Variants in METTL2B observed in about 807,000 individuals in gnomAD.
METTL2B encodes tRNA N(3)-cytidine methyltransferase METTL2B.
A neutral mutation model predicts 51.0 loss-of-function variants in METTL2B; 28 were observed. The ratio of observed to expected loss-of-function variants is 0.55; its 90% CI spans 0.41 to 0.75. The LOEUF (loss-of-function observed/expected upper bound fraction) is 0.75, where lower values mean the gene tolerates loss of function less well. Among genes scored for constraint, METTL2B ranks in the 30% least tolerant of loss-of-function variants. The pLI is 0.00. For synonymous variants in METTL2B, 128 were observed against 166.3 expected, an observed-to-expected ratio of 0.77 and a Z score of 1.77; for missense variants, 313 against 460.7, an observed-to-expected ratio of 0.68 and a Z score of 2.93.
chr7:128,478,850 C>T (rs1584788175), intron 2 of METTL2B, among the ~76,000 whole-genome samples: 2 of 151,894 alleles, frequency 1.3e-5, no homozygotes, highest in South Asian at 2.1e-4. Context: ...GGTGACAGAG[C>T]GAGACTCTGT....
intron 4 of METTL2B, among the ~76,000 whole-genome samples, chr7:128,482,279 T>C (rs943850154): frequency 6.6e-5 from 10 of 151,596 alleles, no homozygotes; most frequent in African/African-American, 2.4e-4. Context: ...TCAGCCTCCC[T>C]AGTAGCTGGG....
rs780770594 is a variant in METTL2B, at chr7:128,477,174, G to T, written c.202+1G>T. ...CAGCGGGTGTGCCAGGAGAAACAAG[G>T]TGCGCTTAAATGGGCTCTCGTTGGT... On this transcript the variant is annotated splice_donor_variant, in intron 2 of 8. Transcript: ENST00000262432. LOFTEE classifies it high-confidence loss of function. 6 of 1,613,816 alleles carry T rather than the reference G, an allele frequency of 3.7e-6. No individual in the cohort carries two copies. In the South Asian group the frequency reaches 6.6e-5, roughly 18 times the overall value.
chr7:128,481,688 A>G (rs1373787901), intron 4 of METTL2B, among the ~76,000 whole-genome samples: 1 of 152,172 alleles, frequency 6.6e-6, no homozygotes, highest in Non-Finnish European at 1.5e-5. Context: ...TGTCATCCCG[A>G]CTAGAGCACA....
intron 6 of METTL2B, among the ~76,000 whole-genome samples, chr7:128,497,037 C>A (rs1247413615): frequency 6.6e-6 from 1 of 151,924 alleles, no homozygotes; most frequent in Non-Finnish European, 1.5e-5. Flanking sequence ...CCTGCCTTAG[C>A]CATTTTTCTG....
At chr7:128,497,147 T>C (rs1365863420) in intron 6 of METTL2B, among the ~76,000 whole-genome samples, 1 of 152,190 alleles carries the variant, frequency 6.6e-6, no homozygotes, top group Non-Finnish European at 1.5e-5. Flanking sequence ...CTTCTCAAGT[T>C]ATGAAAGCTT....
chr7:128,494,002 T>G, intron 6 of METTL2B, 59 bp downstream of exon 6: 1 of 1,577,510 alleles, frequency 6.3e-7, no homozygotes, highest in Non-Finnish European at 8.6e-7. Context: ...TGAGGGACCT[T>G]TTTTTTTAAA....
rs934294684 is a variant in METTL2B at position 128,504,995 on chromosome 7, G to A, written c.*3079G>A. 6.6e-6 allele frequency: 1 copy of A among 152,192 alleles called. No individual in the cohort carries two copies. The highest frequency in any genetic ancestry group is 1.5e-5 in the Non-Finnish European group (1 of 68,274). 9.4% of individuals were successfully genotyped at this position (152,192 alleles called of 1,614,324 possible). ...GCCTGTAACCCCATCTACTTGGAAG[G>A]CTGAGGCAGGAGAATCACTTGAATC... On this transcript the variant is annotated 3_prime_UTR_variant, in exon 9 of 9. Coordinates refer to ENST00000262432, the MANE Select transcript of METTL2B (RefSeq NM_018396.3).
At chr7:128,499,605 G>A (rs1408115900) in intron 7 of METTL2B, among the ~76,000 whole-genome samples, 3 of 134,662 alleles carry the variant, frequency 2.2e-5, no homozygotes, top group African/African-American at 5.6e-5. Flanking sequence ...TGCAACGTCT[G>A]TCTCTTGGGT....
chr7:128,478,332 TCTC>T (rs1799828898), intron 2 of METTL2B, among the ~76,000 whole-genome samples: 1 of 150,102 alleles, frequency 6.7e-6, no homozygotes, highest in South Asian at 2.1e-4. Context: ...CTCACTGCAA[TCTC>T]CTCCTCCCTG....
intron 4 of METTL2B, among the ~76,000 whole-genome samples, chr7:128,486,026 G>A (rs536285385): frequency 2.6e-5 from 4 of 152,286 alleles, no homozygotes; most frequent in South Asian, 2.1e-4. Flanking sequence ...GGGCGTGGTG[G>A]CTCACTCTTG....
chr7:128,493,873 T>C lies in METTL2B; in HGVS notation c.739T>C (p.Tyr247His), dbSNP rs745794267. The change falls in exon 6 of 9, where the codon TAC (tyrosine) becomes CAC (histidine). Residue 247 changes from tyrosine to histidine, a missense_variant. Transcript: ENST00000262432. The part of the protein sequence containing the change: ...VHDLCDEEKS[Y>H]PVPKGSLDII... Reference sequence around the variant, plus strand: ...CGACCTGTGTGATGAAGAGAAGAGTTACCCAGTGCCCAAGGGCAGTCTTGA... The same window carrying C: ...CGACCTGTGTGATGAAGAGAAGAGTCACCCAGTGCCCAAGGGCAGTCTTGA... 6.2e-7 allele frequency: 1 copy of C among 1,612,986 alleles called. No individual in the cohort carries two copies. The highest frequency in any genetic ancestry group is 1.1e-5 in the South Asian group (1 of 90,928).
rs777323793 is a variant in METTL2B, at chr7:128,488,356, G to C, written c.669+195G>C. On this transcript the variant is annotated intron_variant, in intron 5 of 8. Coordinates refer to ENST00000262432, the MANE Select transcript of METTL2B (RefSeq NM_018396.3). ...ATCACACTGTACAGATGTCATATCT[G>C]TTCATATATTGAAAGTCTGTGGCAA... 1.7e-5 allele frequency: 15 copies of C among 885,130 alleles called. No individual in the cohort carries two copies. The Admixed American group carries it at 2.6e-4, about 16-fold the overall frequency. The allele number at this position is 885,130 out of a possible 1,614,324, so 54.8% of individuals were successfully genotyped here. A position where few individuals can be genotyped will look rare whatever the true frequency, so the allele number is the denominator to read the frequency against.
chr7:128,477,287 G>A, intron 2 of METTL2B, 114 bp downstream of exon 2: 3 of 1,403,676 alleles, frequency 2.1e-6, no homozygotes, highest in Non-Finnish European at 3.0e-6. Context: ...GGCCTGATGC[G>A]GATCTCAGGA....
chr7:128,488,687 A>G, intron 5 of METTL2B: 1 of 347,598 alleles, frequency 2.9e-6, no homozygotes, highest in Non-Finnish European at 5.8e-6. Context: ...TTCATACTCT[A>G]CAGTGTCCTC....
intron 5 of METTL2B, among the ~76,000 whole-genome samples, chr7:128,492,783 A>AT (rs1357057382): frequency 6.6e-6 from 1 of 151,222 alleles, no homozygotes; most frequent in Non-Finnish European, 1.5e-5. Context: ...CACCCGGCTA[A>AT]TTTTTTGTAT....
In METTL2B at chr7:128,505,777, A is replaced by G. The variant is rs1047884999; in HGVS notation, c.*3861A>G. On this transcript the variant is annotated 3_prime_UTR_variant, in exon 9 of 9. Coordinates refer to ENST00000262432, the MANE Select transcript of METTL2B (RefSeq NM_018396.3). Reference sequence around the variant, plus strand: ...GTATTTTGTACAGAAAAGCTTTCTCATATCTGATTTACTTGTCTCAATATG... The same window carrying G: ...GTATTTTGTACAGAAAAGCTTTCTCGTATCTGATTTACTTGTCTCAATATG... 3.3e-5 allele frequency: 5 copies of G among 152,108 alleles called. No individual in the cohort carries two copies. The highest frequency in any genetic ancestry group is 1.2e-4 in the African/African-American group (5 of 41,432). 9.4% of individuals were successfully genotyped at this position (152,108 alleles called of 1,614,324 possible). A position where few individuals can be genotyped will look rare whatever the true frequency, so the allele number is the denominator to read the frequency against.
intron 5 of METTL2B, among the ~76,000 whole-genome samples, chr7:128,489,921 C>T (rs2116855231): frequency 6.6e-6 from 1 of 152,256 alleles, no homozygotes; most frequent in Non-Finnish European, 1.5e-5. Flanking sequence ...AGCCACCGCG[C>T]CCGGCCGGCA....
In METTL2B at chr7:128,476,754, G is replaced by A. The variant is rs540497849; in HGVS notation, c.-12G>A. 63 of 1,613,096 alleles carry A rather than the reference G, an allele frequency of 3.9e-5. No individual in the cohort carries two copies. The South Asian group carries it at 6.6e-4, about 17-fold the overall frequency. ...GCGTTACGGAAAGTGAAGTGTTTCC[G>A]GCTCCGGTGTCATGGCCGGCTCCTA... On this transcript the variant is annotated 5_prime_UTR_variant, in exon 1 of 9. Transcript: ENST00000262432.
At chr7:128,480,881 C>G (rs1484196572) in intron 4 of METTL2B, among the ~76,000 whole-genome samples, 185 bp downstream of exon 4, 1 of 152,204 alleles carries the variant, frequency 6.6e-6, no homozygotes, top group African/African-American at 2.4e-5. Context: ...TCAAAACTTG[C>G]TGCATCAAAC....
Sources: allele counts gnomAD v4.1 joint callset (sites outside exome capture counted in the v4.1 genomes callset), GRCh38; gene constraint gnomAD v4.1.1; transcripts MANE v1.5; gene names NCBI Gene and HGNC (gene_info 2026-07-23, HGNC 2026-07-21).